Variants in WDFY2 observed in about 807,000 individuals in gnomAD.
The protein encoded by WDFY2 is WD repeat and FYVE domain-containing protein 2.
Under a neutral mutation model 56.4 loss-of-function variants are expected in WDFY2, and 36 were observed. That is an observed-to-expected ratio of 0.64 (90% CI 0.49 to 0.84). The LOEUF is 0.84. Ranked by LOEUF, WDFY2 falls within the 40% of genes least tolerant of loss-of-function variation. The pLI is 0.00. For synonymous variants in WDFY2, 176 were observed against 183.7 expected (o/e 0.96, Z 0.34); for missense variants, 444 against 512.2 (o/e 0.87, Z 1.29).
intron 1 of WDFY2, among the ~76,000 whole-genome samples, chr13:51,647,980 T>C (rs972556577): frequency 1.3e-5 from 2 of 152,084 alleles, no homozygotes; most frequent in South Asian, 4.2e-4. Flanking sequence ...AACTAAAAAA[T>C]TGGGATCTCA....
chr13:51,666,484 A>G (rs1955703032), intron 2 of WDFY2, among the ~76,000 whole-genome samples: 2 of 152,194 alleles, frequency 1.3e-5, no homozygotes, highest in Non-Finnish European at 2.9e-5. Flanking sequence ...GAACATGAGA[A>G]CTGATCCCCT....
chr13:51,759,901 AT>A lies in WDFY2; in HGVS notation c.*134del. ...CTAAAGACCCTGAATGAATTTGCAGATTACCCATGTGCACAGTGGGGACCTG... is the reference window on the plus strand; with the variant it reads ...CTAAAGACCCTGAATGAATTTGCAGATACCCATGTGCACAGTGGGGACCTG... On this transcript the variant is annotated 3_prime_UTR_variant, in exon 12 of 12. Transcript: ENST00000298125. 2.0e-6 allele frequency: 2 copies of A among 1,013,862 alleles called. No individual in the cohort carries two copies. Among genetic ancestry groups the A allele is most frequent in the Non-Finnish European group, 3.0e-6 (2 of 676,474 alleles). 62.8% of individuals were successfully genotyped at this position (1,013,862 alleles called of 1,614,324 possible).
At chr13:51,595,820 G>C (rs970999487) in intron 1 of WDFY2, among the ~76,000 whole-genome samples, 1 of 152,184 alleles carries the variant, frequency 6.6e-6, no homozygotes, top group Non-Finnish European at 1.5e-5. Flanking sequence ...GATGTACCCA[G>C]TAAATATATA....
At chr13:51,668,158 C>T (rs1019223784) in intron 2 of WDFY2, among the ~76,000 whole-genome samples, 3 of 152,016 alleles carry the variant, frequency 2.0e-5, no homozygotes, top group Admixed American at 1.3e-4. Flanking sequence ...GGATTACAGA[C>T]GTGAGCCACC....
intron 1 of WDFY2, among the ~76,000 whole-genome samples, chr13:51,632,671 A>G (rs962149806): frequency 2.6e-5 from 4 of 152,216 alleles, no homozygotes; most frequent in Admixed American, 6.5e-5. Flanking sequence ...TTTGTAATCA[A>G]TGATACAGAT....
chr13:51,755,345 T>G lies in WDFY2; in HGVS notation c.832-13T>G. 6.2e-7 allele frequency: 1 copy of G among 1,614,098 alleles called. No individual in the cohort carries two copies. The highest frequency in any genetic ancestry group is 8.5e-7 in the Non-Finnish European group (1 of 1,179,924). ...CTGGCCACAGTGACCTGTTCTGTGCTTTATTTGACAAGACCCCTGAATGGT... is the reference window on the plus strand; with the variant it reads ...CTGGCCACAGTGACCTGTTCTGTGCGTTATTTGACAAGACCCCTGAATGGT... On this transcript the variant is annotated splice_polypyrimidine_tract_variant and intron_variant, in intron 8 of 11. Transcript: ENST00000298125.
chr13:51,629,472 G>C (rs1027432590), intron 1 of WDFY2, among the ~76,000 whole-genome samples: 1 of 152,020 alleles, frequency 6.6e-6, no homozygotes, highest in Non-Finnish European at 1.5e-5. Context: ...ACTACAAAAT[G>C]GTCTATTTAC....
chr13:51,724,157 T>C lies in WDFY2; in HGVS notation c.486-3521T>C, dbSNP rs999593250. On this transcript the variant is annotated intron_variant, in intron 5 of 11. Coordinates refer to ENST00000298125, the MANE Select transcript of WDFY2 (RefSeq NM_052950.4). ...GTATATATCAATAAACTGCCATCTT[T>C]TTATTTTATGTTCAAATTATCCTAT... 2.6e-5 allele frequency among the ~76,000 whole-genome samples: 4 copies of C among 152,046 alleles called. No homozygotes were observed. In the East Asian group the frequency reaches 7.7e-4, roughly 29 times the overall value.
At chr13:51,596,411 G>C (rs1459959284) in intron 1 of WDFY2, among the ~76,000 whole-genome samples, 1 of 152,208 alleles carries the variant, frequency 6.6e-6, no homozygotes, top group Non-Finnish European at 1.5e-5. Flanking sequence ...TGTCACATCA[G>C]ATATGCAAAA....
At chr13:51,639,357 G>A (rs1407448361) in intron 1 of WDFY2, among the ~76,000 whole-genome samples, 16 of 152,116 alleles carry the variant, frequency 1.1e-4, no homozygotes. Flanking sequence ...ATTATAGGAG[G>A]AGGGGTTATC....
At position 51,766,101 on chromosome 13, in the gene WDFY2, A is replaced by G. The variant is rs1176497678; in HGVS notation, c.*6332A>G. On this transcript the variant is annotated 3_prime_UTR_variant, in exon 12 of 12. Transcript: ENST00000298125. Reference sequence around the variant, plus strand: ...TGGATGGCAGCCTTACGTCAGTAGTATATGCCACTATGAAGTATGGCCAAA... The same window carrying G: ...TGGATGGCAGCCTTACGTCAGTAGTGTATGCCACTATGAAGTATGGCCAAA... 2.0e-5 allele frequency: 3 copies of G among 152,258 alleles called. No individual in the cohort carries two copies. The highest frequency in any genetic ancestry group is 7.2e-5 in the African/African-American group (3 of 41,458). 9.4% of individuals were successfully genotyped at this position (152,258 alleles called of 1,614,324 possible).
chr13:51,664,945 G>T (rs750593264), intron 2 of WDFY2, among the ~76,000 whole-genome samples: 60 of 152,314 alleles, frequency 3.9e-4, no homozygotes, highest in Non-Finnish European at 2.1e-4. Context: ...AACATTGTAC[G>T]ATGTACTAAG....
chr13:51,733,250 T>G (rs1007634770), intron 6 of WDFY2, among the ~76,000 whole-genome samples: 7 of 152,198 alleles, frequency 4.6e-5, no homozygotes, highest in African/African-American at 1.7e-4. Context: ...TTGGTCAGGC[T>G]GGTCTTGAAC....
intron 1 of WDFY2, among the ~76,000 whole-genome samples, chr13:51,596,345 T>G (rs2138299072): frequency 6.6e-6 from 1 of 152,328 alleles, no homozygotes; most frequent in African/African-American, 2.4e-5. Flanking sequence ...GGAGTTTGGT[T>G]GCAGTGTGAC....
At chr13:51,679,143 G>A (rs1017105903) in intron 3 of WDFY2, among the ~76,000 whole-genome samples, 5 of 152,090 alleles carry the variant, frequency 3.3e-5, no homozygotes, top group African/African-American at 1.2e-4. Context: ...GTACTGGATC[G>A]TAACATGGAA....
chr13:51,587,342 A>G (rs540777902), intron 1 of WDFY2: 6 of 152,176 alleles, frequency 3.9e-5, no homozygotes, highest in African/African-American at 1.4e-4. Flanking sequence ...TTGTATCATC[A>G]TTAGGGCCTA....
chr13:51,694,255 C>G (rs989019969), intron 3 of WDFY2, among the ~76,000 whole-genome samples: 8 of 152,258 alleles, frequency 5.3e-5, no homozygotes, highest in South Asian at 4.1e-4. Flanking sequence ...TTGCCCGTTA[C>G]TTGATGCAGT....
Position 51,765,693 on chromosome 13 carries a change from T to C in WDFY2, c.*5924T>C, listed in dbSNP as rs1953724509. On this transcript the variant is annotated 3_prime_UTR_variant, in exon 12 of 12. Transcript: ENST00000298125. ...CTTTGTTGTCTTCCATCATATCAAG[T>C]GAGTTGCTTTCTGGACTTTTTCCAT... 6.6e-6 allele frequency: 1 copy of C among 152,164 alleles called. No individual in the cohort carries two copies. The highest frequency in any genetic ancestry group is 2.4e-5 in the African/African-American group (1 of 41,440). 9.4% of individuals were successfully genotyped at this position (152,164 alleles called of 1,614,324 possible).
intron 5 of WDFY2, among the ~76,000 whole-genome samples, chr13:51,724,287 G>T (rs1305305026): frequency 2.1e-5 from 3 of 145,076 alleles, no homozygotes; most frequent in Non-Finnish European, 3.0e-5. Flanking sequence ...ATCCAGGCTG[G>T]AGTGCAATGG....
Sources: gnomAD v4.1 joint callset for allele counts (sites outside exome capture counted in the v4.1 genomes callset) on GRCh38, gnomAD v4.1.1 for gene constraint, MANE v1.5 for transcripts, NCBI Gene and HGNC (gene_info 2026-07-23, HGNC 2026-07-21) for gene names.